Variants in GMDS observed in about 807,000 individuals in gnomAD.
The protein encoded by GMDS is GDP-mannose 4,6-dehydratase.
In GMDS, 20 loss-of-function variants were observed where a neutral mutation model predicts 49.9. The ratio of observed to expected loss-of-function variants is 0.40; its 90% CI spans 0.28 to 0.58. The LOEUF (loss-of-function observed/expected upper bound fraction) is 0.58. Among genes scored for constraint, GMDS ranks in the 20% least tolerant of loss-of-function variants. The pLI is 0.42. For synonymous variants in GMDS, 177 were observed against 178.6 expected, an observed-to-expected ratio of 0.99 and a Z score of 0.07; for missense variants, 362 against 481.4, an observed-to-expected ratio of 0.75 and a Z score of 2.32.
chr6:1,896,370 G>C (rs981964196), intron 7 of GMDS, among the ~76,000 whole-genome samples: 2 of 152,124 alleles, frequency 1.3e-5, no homozygotes, highest in African/African-American at 4.8e-5. Flanking sequence ...CATTCTTGAG[G>C]AACTTACTGC....
intron 4 of GMDS, among the ~76,000 whole-genome samples, chr6:2,066,856 G>A (rs1471163530): frequency 1.1e-4 from 17 of 151,450 alleles, no homozygotes; most frequent in African/African-American, 3.9e-4. Flanking sequence ...ACAGATCAAC[G>A]AGACAGAAAG....
intron 1 of GMDS, among the ~76,000 whole-genome samples, chr6:2,230,016 CCT>C (rs1183713438): frequency 4.3e-4 from 63 of 146,766 alleles, no homozygotes; most frequent in Middle Eastern, 3.5e-3. Context: ...CCTCTGAAGA[CCT>C]CCCTCCAGAG....
At chr6:1,697,057 G>A (rs1291718858) in intron 9 of GMDS, among the ~76,000 whole-genome samples, 1 of 152,232 alleles carries the variant, frequency 6.6e-6, no homozygotes, top group African/African-American at 2.4e-5. Context: ...CTGTCACACC[G>A]TAGGAGCCCA....
intron 1 of GMDS, among the ~76,000 whole-genome samples, chr6:2,145,016 G>A (rs991094393): frequency 6.6e-6 from 1 of 152,226 alleles, no homozygotes; most frequent in Middle Eastern, 3.2e-3. Context: ...AGTCCAGTTG[G>A]CTGCTGTGCC....
chr6:2,000,021 ATATATATC>A (rs1426389548), intron 4 of GMDS, among the ~76,000 whole-genome samples: 548 of 27,352 alleles, frequency 0.02, 87 homozygotes, highest in African/African-American at 0.072. Context: ...TTTTATATAT[ATATATATC>A]TATATCTTTT....
chr6:2,002,635 A>C (rs955813187), intron 4 of GMDS, among the ~76,000 whole-genome samples: 1 of 152,348 alleles, frequency 6.6e-6, no homozygotes, highest in Admixed American at 6.5e-5. Context: ...TCTAGGCCAT[A>C]CAGCTCCATT....
intron 1 of GMDS, among the ~76,000 whole-genome samples, chr6:2,178,402 G>A (rs578156651): frequency 6.6e-6 from 1 of 152,094 alleles, no homozygotes; most frequent in Non-Finnish European, 1.5e-5. Flanking sequence ...AGGAGGAAGA[G>A]GAGAAAGGGA....
intron 4 of GMDS, among the ~76,000 whole-genome samples, chr6:1,984,472 G>T (rs1210144304): frequency 6.6e-6 from 1 of 151,210 alleles, no homozygotes; most frequent in African/African-American, 2.4e-5. Context: ...AAACAGGGCT[G>T]GCCCTGAGGG....
intron 7 of GMDS, among the ~76,000 whole-genome samples, chr6:1,920,054 A>G (rs1248567338): frequency 6.6e-6 from 1 of 152,280 alleles, no homozygotes; most frequent in Non-Finnish European, 1.5e-5. Flanking sequence ...CATTACTGCT[A>G]TAATTCCTTC....
chr6:2,219,615 A>G (rs181102897), intron 1 of GMDS, among the ~76,000 whole-genome samples: 8 of 152,320 alleles, frequency 5.3e-5, no homozygotes, highest in African/African-American at 1.9e-4. Flanking sequence ...TTGCTATAAA[A>G]GCTTCTAAAT....
Position 1,682,707 on chromosome 6 carries a change from C to A in GMDS, c.987+43709G>T, listed in dbSNP as rs1764829586. On this transcript the variant is annotated intron_variant, in intron 9 of 10. Transcript: ENST00000380815. ...GCCTCAGCCTCCCAAGTAGCTGGGACTACAGGCGCCCGCCACTACGCCCGG... is the reference window on the plus strand; with the variant it reads ...GCCTCAGCCTCCCAAGTAGCTGGGAATACAGGCGCCCGCCACTACGCCCGG... Among the ~76,000 whole-genome samples, 2 of 24,460 alleles carry A rather than the reference C, an allele frequency of 8.2e-5. 1 individual carries two copies. Among genetic ancestry groups the A allele is most frequent in the South Asian group, 3.4e-3 (2 of 594 alleles). 16.0% of individuals were successfully genotyped at this position (24,460 alleles called of 152,430 possible).
intron 7 of GMDS, among the ~76,000 whole-genome samples, chr6:1,782,273 A>C (rs1213986690): frequency 3.3e-5 from 5 of 152,206 alleles, no homozygotes; most frequent in African/African-American, 1.2e-4. Context: ...CCAAACCAAT[A>C]AGCCTAAACA....
chr6:2,162,708 AC>A (rs1397556282), intron 1 of GMDS, among the ~76,000 whole-genome samples: 7 of 145,288 alleles, frequency 4.8e-5, no homozygotes, highest in African/African-American at 1.9e-4. Context: ...ACACACACAC[AC>A]AAAACTTTCC....
rs70989191 is a variant in GMDS at position 1,652,442 on chromosome 6, AT to A, written c.988-27903del. 2.1e-4 allele frequency among the ~76,000 whole-genome samples: 3 copies of A among 14,254 alleles called. 1 individual carries two copies. The highest frequency in any genetic ancestry group is 7.9e-4 in the African/African-American group (3 of 3,774). The allele number at this position is 14,254 out of a possible 152,430, so 9.4% of individuals were successfully genotyped here. ...AATATATATATAATATATTATATAT[AT>A]TTATATATTATTTATATATAATATA... is the stretch of plus-strand genomic sequence containing the variant. On this transcript the variant is annotated intron_variant, in intron 9 of 10. Transcript: ENST00000380815.
In GMDS at chr6:2,245,444, C is replaced by T; in HGVS notation, c.-22G>A. On this transcript the variant is annotated 5_prime_UTR_variant, in exon 1 of 11. Coordinates refer to ENST00000380815, the MANE Select transcript of GMDS (RefSeq NM_001500.4). ...CCATGTCCCGCGGCGGGCGTGCGGT[C>T]GGCGGCAGGGCGGAGCGCGGCAGAG... 2 of 1,414,618 alleles carry T rather than the reference C, an allele frequency of 1.4e-6. No homozygotes were observed. The highest frequency in any genetic ancestry group is 9.2e-7 in the Non-Finnish European group (1 of 1,084,660). 87.6% of individuals were successfully genotyped at this position (1,414,618 alleles called of 1,614,324 possible).
intron 1 of GMDS, among the ~76,000 whole-genome samples, chr6:2,131,709 C>T (rs1775746892): frequency 6.6e-6 from 1 of 151,974 alleles, no homozygotes; most frequent in Admixed American, 6.6e-5. Context: ...CTAGGTGGTA[C>T]ATAATATATA....
At chr6:1,792,556 C>T (rs1035404598) in intron 7 of GMDS, among the ~76,000 whole-genome samples, 1 of 152,130 alleles carries the variant, frequency 6.6e-6, no homozygotes, top group East Asian at 1.9e-4. Context: ...CTGAATACTA[C>T]ACCTTCACCT....
intron 9 of GMDS, among the ~76,000 whole-genome samples, chr6:1,708,270 A>G (rs373098890): frequency 6.6e-5 from 10 of 152,352 alleles, no homozygotes; most frequent in African/African-American, 2.2e-4. Context: ...CGAAGGCTGT[A>G]ACTTTCCCGA....
At chr6:2,236,127 AG>A (rs1488599548) in intron 1 of GMDS, among the ~76,000 whole-genome samples, 1 of 152,242 alleles carries the variant, frequency 6.6e-6, no homozygotes, top group African/African-American at 2.4e-5. Flanking sequence ...CAGGATTATT[AG>A]TTCCCTTATA....
Sources: allele counts gnomAD v4.1 joint callset (sites outside exome capture counted in the v4.1 genomes callset), GRCh38; gene constraint gnomAD v4.1.1; transcripts MANE v1.5; gene names NCBI Gene and HGNC (gene_info 2026-07-23, HGNC 2026-07-21).